HSD17B2: variants seen among roughly 807,000 people sequenced by gnomAD.
HSD17B2 encodes the protein hydroxysteroid 17-beta dehydrogenase 2.
HSD17B2 carries 32 observed loss-of-function variants against 26.9 expected under a neutral mutation model. The observed-to-expected ratio is 1.19, with a 90% CI of 0.90 to 1.60. HSD17B2 has a LOEUF of 1.60. Among genes scored for constraint, HSD17B2 ranks in the 40% most tolerant of loss-of-function variants. HSD17B2 has a pLI of 0.00. For synonymous variants in HSD17B2, 246 were observed against 186.7 expected (o/e 1.32, Z -2.59); for missense variants, 613 against 468.6 (o/e 1.31, Z -2.85).
chr16:82,070,037 T>C (rs1567587006), intron 2 of HSD17B2, among the ~76,000 whole-genome samples: 1 of 152,202 alleles, frequency 6.6e-6, no homozygotes, highest in African/African-American at 2.4e-5. Flanking sequence ...TCTATTACTA[T>C]ATTGCCAACC....
rs757455904 is a variant in HSD17B2, at chr16:82,035,267, T to C, written c.-158T>C. ...TGGTTTAAATTACCCACTGGGAATA[T>C]GATTATGCTTAATCTATGCTCAGTT... On this transcript the variant is annotated 5_prime_UTR_variant, in exon 1 of 5. An upstream start codon of the reference 5' UTR is lost. Transcript: ENST00000199936. 1 of 631,866 alleles carries C rather than the reference T, an allele frequency of 1.6e-6. No individual in the cohort carries two copies. Among genetic ancestry groups the C allele is most frequent in the South Asian group, 2.0e-5 (1 of 49,402 alleles). 39.1% of individuals were successfully genotyped at this position (631,866 alleles called of 1,614,324 possible).
At chr16:82,057,469 T>C (rs1914305673) in intron 1 of HSD17B2, among the ~76,000 whole-genome samples, 1 of 152,178 alleles carries the variant, frequency 6.6e-6, no homozygotes, top group African/African-American at 2.4e-5. Context: ...AGTGCTGGGA[T>C]TACAGGCGTG....
intron 1 of HSD17B2, among the ~76,000 whole-genome samples, chr16:82,060,073 G>C (rs1256538224): frequency 1.3e-5 from 2 of 152,228 alleles, no homozygotes; most frequent in Non-Finnish European, 2.9e-5. Flanking sequence ...CCTCAGGGCA[G>C]TCCTAAGTAT....
rs761589697 is a variant in HSD17B2, at chr16:82,068,386, C to A, written c.478+4C>A. On this transcript the variant is annotated splice_donor_region_variant and intron_variant, in intron 2 of 4. Coordinates refer to ENST00000199936, the MANE Select transcript of HSD17B2 (RefSeq NM_002153.3). ...GCAGCAATGCTGCAGGACAGAGGTACTGCCGCCAGCACCCTCAGTGCCTTT... is the reference window on the plus strand; with the variant it reads ...GCAGCAATGCTGCAGGACAGAGGTAATGCCGCCAGCACCCTCAGTGCCTTT... 1.0e-5 allele frequency: 16 copies of A among 1,606,800 alleles called. No homozygotes were observed. Among genetic ancestry groups the A allele is most frequent in the Non-Finnish European group, 1.3e-5 (15 of 1,176,988 alleles).
intron 3 of HSD17B2, among the ~76,000 whole-genome samples, chr16:82,083,613 C>A (rs1220240525): frequency 6.6e-6 from 1 of 152,160 alleles, no homozygotes; most frequent in Non-Finnish European, 1.5e-5. Flanking sequence ...AAAAACCATC[C>A]CACCATGAGG....
intron 3 of HSD17B2, among the ~76,000 whole-genome samples, chr16:82,079,937 T>C (rs1904336334): frequency 6.6e-6 from 1 of 152,100 alleles, no homozygotes; most frequent in Non-Finnish European, 1.5e-5. Flanking sequence ...TGAAGCAAGG[T>C]GCATGGAGGG....
intron 4 of HSD17B2, chr16:82,097,688 C>A (rs1463959192): frequency 2.6e-5 from 4 of 155,640 alleles, no homozygotes; most frequent in African/African-American, 9.6e-5. Context: ...CCTGAAATCT[C>A]AGCACTTTGG....
chr16:82,043,337 G>T (rs1399553441), intron 1 of HSD17B2, among the ~76,000 whole-genome samples: 1 of 152,138 alleles, frequency 6.6e-6, no homozygotes, highest in Non-Finnish European at 1.5e-5. Context: ...GATATTGGGG[G>T]GAAAGGGGTG....
chr16:82,072,652 G>A (rs887294625), intron 3 of HSD17B2, among the ~76,000 whole-genome samples: 3 of 152,166 alleles, frequency 2.0e-5, no homozygotes, highest in Non-Finnish European at 4.4e-5. Context: ...AGTATGTGCT[G>A]TAGGCCCAGT....
intron 4 of HSD17B2, chr16:82,097,359 A>AT (rs1567595578): frequency 8.7e-5 from 8 of 92,118 alleles, no homozygotes; most frequent in South Asian, 4.1e-4. Flanking sequence ...GTACACACAC[A>AT]CACACACACA....
In HSD17B2 at chr16:82,071,015, C is replaced by T; in HGVS notation, c.552C>T (p.Asp184=). 6.2e-7 allele frequency: 1 copy of T among 1,614,226 alleles called. No homozygotes were observed. The highest frequency in any genetic ancestry group is 1.3e-5 in the African/African-American group (1 of 75,056). ...ATGGGGAGCTTCTTCTTATGACTGACTACAAACAATGCATGGCCGTGAACT... is the reference window on the plus strand; with the variant it reads ...ATGGGGAGCTTCTTCTTATGACTGATTACAAACAATGCATGGCCGTGAACT... ...PTDGELLLMT[D]YKQCMAVNFF... is the part of the protein sequence containing the mutation. Residue 184 remains aspartate (D), a synonymous_variant, in exon 3 of 5, where the codon GAC becomes GAT. Coordinates refer to ENST00000199936, the MANE Select transcript of HSD17B2 (RefSeq NM_002153.3).
chr16:82,040,481 C>G (rs1037127195), intron 1 of HSD17B2, among the ~76,000 whole-genome samples: 1 of 152,224 alleles, frequency 6.6e-6, no homozygotes, highest in African/African-American at 2.4e-5. Flanking sequence ...TTGGACTAAA[C>G]CCAGATCAGA....
chr16:82,044,710 G>T (rs538177046), intron 1 of HSD17B2: 2 of 152,450 alleles, frequency 1.3e-5, no homozygotes, highest in African/African-American at 4.8e-5. Flanking sequence ...CTGGGGGGAG[G>T]AGGGTAGAGG....
chr16:82,079,130 C>T (rs1904322720), intron 3 of HSD17B2, among the ~76,000 whole-genome samples: 1 of 152,140 alleles, frequency 6.6e-6, no homozygotes, highest in Non-Finnish European at 1.5e-5. Flanking sequence ...CAAAACACCT[C>T]ATGTAGCACA....
chr16:82,039,756 C>T (rs538557370), intron 1 of HSD17B2, among the ~76,000 whole-genome samples: 2 of 152,274 alleles, frequency 1.3e-5, no homozygotes, highest in African/African-American at 4.8e-5. Flanking sequence ...CCCCTCCAGT[C>T]ATCTCAAATA....
At chr16:82,058,071 A>ATTAT (rs1324006625) in intron 1 of HSD17B2, among the ~76,000 whole-genome samples, 1 of 141,370 alleles carries the variant, frequency 7.1e-6, no homozygotes, top group Non-Finnish European at 1.6e-5. Context: ...GTTGTTGTTA[A>ATTAT]TTTTTTTTTT....
intron 4 of HSD17B2, chr16:82,092,743 A>C (rs753558958): frequency 2.6e-5 from 4 of 152,200 alleles, no homozygotes; most frequent in Non-Finnish European, 5.9e-5. Flanking sequence ...AATTGAGGAG[A>C]GGAGATGGAG....
At chr16:82,038,642 T>C (rs1480753213) in intron 1 of HSD17B2, among the ~76,000 whole-genome samples, 1 of 152,236 alleles carries the variant, frequency 6.6e-6, no homozygotes, top group Non-Finnish European at 1.5e-5. Context: ...GAAAAAACTT[T>C]GAAGACACAC....
chr16:82,077,729 T>A (rs1398401325), intron 3 of HSD17B2, among the ~76,000 whole-genome samples: 1 of 144,936 alleles, frequency 6.9e-6, no homozygotes, highest in Non-Finnish European at 1.5e-5. Flanking sequence ...AGACCCTGTT[T>A]CAAAAGAAAG....
Sources: allele counts gnomAD v4.1 joint callset (sites outside exome capture counted in the v4.1 genomes callset), GRCh38; gene constraint gnomAD v4.1.1; transcripts MANE v1.5; gene names NCBI Gene and HGNC (gene_info 2026-07-23, HGNC 2026-07-21).